Variants in LCMT1 observed in about 807,000 individuals in gnomAD.
LCMT1 encodes the protein leucine carboxyl methyltransferase 1, also known as [Phosphatase 2A protein]-leucine-carboxy methyltransferase 1.
A neutral mutation model predicts 47.7 loss-of-function variants in LCMT1; 32 were observed. The observed-to-expected ratio is 0.67, with a 90% CI of 0.51 to 0.90. LCMT1 has a LOEUF of 0.90. Among genes scored for constraint, LCMT1 ranks in the 40% least tolerant of loss-of-function variants. The pLI is 0.00. For synonymous variants in LCMT1, 152 were observed against 149.7 expected (o/e 1.02, Z -0.11); for missense variants, 375 against 415.2 (o/e 0.90, Z 0.84).
At chr16:25,167,884 CTGAG>C (rs1454074043) in intron 7 of LCMT1, among the ~76,000 whole-genome samples, 1 of 152,020 alleles carries the variant, frequency 6.6e-6, no homozygotes, top group Non-Finnish European at 1.5e-5. Context: ...CCTCAGCCTC[CTGAG>C]TAACTGGGAT....
chr16:25,160,542 C>CCT (rs1191185999), intron 5 of LCMT1, among the ~76,000 whole-genome samples: 1 of 152,116 alleles, frequency 6.6e-6, no homozygotes, highest in African/African-American at 2.4e-5. Context: ...ATAGGCTTAC[C>CCT]CTCTGATCTC....
chr16:25,169,976 T>C (rs1200430673), intron 8 of LCMT1, among the ~76,000 whole-genome samples: 1 of 152,116 alleles, frequency 6.6e-6, no homozygotes, highest in Non-Finnish European at 1.5e-5. Context: ...TCCCAGCACT[T>C]TGGGATGCTG....
At chr16:25,112,050 G>T (rs969898110) in intron 1 of LCMT1, 54 bp downstream of exon 1, 1 of 1,201,618 alleles carries the variant, frequency 8.3e-7, no homozygotes, top group Non-Finnish European at 1.2e-6. Flanking sequence ...GGCCTAGGTG[G>T]GAGGTGGGCC....
At chr16:25,134,118 C>T (rs1281602632) in intron 3 of LCMT1, among the ~76,000 whole-genome samples, 3 of 151,268 alleles carry the variant, frequency 2.0e-5, no homozygotes, top group Non-Finnish European at 2.9e-5. Context: ...CTGTCAGGTC[C>T]GTCATGTGAC....
rs144164462 is a variant in LCMT1, at chr16:25,163,197, G to A, written c.570-1401G>A. ...ACTTTTAAAAGAATCGGTTGGGCAC[G>A]GTGGCTCACGCCTGTAATCCCAGCA... On this transcript the variant is annotated intron_variant, in intron 6 of 10. Transcript: ENST00000399069. 1.0e-3 allele frequency among the ~76,000 whole-genome samples: 154 copies of A among 152,280 alleles called. 1 individual carries two copies. The East Asian group carries it at 0.023, about 23-fold the overall frequency.
intron 5 of LCMT1, 99 bp from the exon 6 acceptor site, chr16:25,161,003 A>G (rs1331160200): frequency 2.9e-6 from 2 of 701,002 alleles, no homozygotes; most frequent in African/African-American, 3.6e-5. Context: ...TTTTTTAACA[A>G]TGATGCATGT....
At position 25,128,532 on chromosome 16, in the gene LCMT1, G is replaced by A. The variant is rs1375462864; in HGVS notation, c.171G>A (p.Leu57=). The A allele has an allele frequency of 1.2e-6, 2 of 1,608,898 alleles. No individual in the cohort carries two copies. The highest frequency in any genetic ancestry group is 4.5e-5 in the East Asian group (2 of 44,800). The change falls in exon 2 of 11, where the codon CTG becomes CTA. Residue 57 remains leucine, a synonymous_variant. Transcript: ENST00000399069. ...HDPYIQHFVR[L]SKERKAPEIN... ...CTTACATACAGCACTTTGTGAGACTGTCTAAAGAGAGGAAAGCCCCTGAAA... is the reference window on the plus strand; with the variant it reads ...CTTACATACAGCACTTTGTGAGACTATCTAAAGAGAGGAAAGCCCCTGAAA...
At chr16:25,158,869 C>G (rs1303814728) in intron 5 of LCMT1, 1 of 152,218 alleles carries the variant, frequency 6.6e-6, no homozygotes, top group Non-Finnish European at 1.5e-5. Context: ...TTCTATCATT[C>G]AAAGGGATCT....
intron 4 of LCMT1, chr16:25,141,160 C>T (rs1386005910): frequency 6.6e-6 from 1 of 152,116 alleles, no homozygotes; most frequent in East Asian, 1.9e-4. Context: ...ACCTGAAAGA[C>T]ACAAACTTTA....
At chr16:25,119,633 A>G (rs979391536) in intron 1 of LCMT1, among the ~76,000 whole-genome samples, 9 of 152,098 alleles carry the variant, frequency 5.9e-5, no homozygotes, top group Non-Finnish European at 1.0e-4. Flanking sequence ...GCTGCATGGA[A>G]AAATGTTCTC....
intron 5 of LCMT1, among the ~76,000 whole-genome samples, chr16:25,158,380 C>T (rs551524140): frequency 6.6e-6 from 1 of 152,374 alleles, no homozygotes; most frequent in African/African-American, 2.4e-5. Context: ...AGCAATTCGC[C>T]TGTCTTGGCC....
intron 1 of LCMT1, among the ~76,000 whole-genome samples, chr16:25,113,368 C>T (rs1959689553): frequency 6.6e-6 from 1 of 152,186 alleles, no homozygotes; most frequent in South Asian, 2.1e-4. Flanking sequence ...AGCATGGATT[C>T]TGGAGCTAGA....
At chr16:25,132,218 G>A (rs866892133) in intron 2 of LCMT1, 184 bp from the exon 3 acceptor site, 5 of 603,918 alleles carry the variant, frequency 8.3e-6, no homozygotes, top group African/African-American at 5.5e-5. Context: ...TGGTTCAGAT[G>A]CCTTTAACCA....
At chr16:25,152,226 G>A (rs1961103407) in intron 5 of LCMT1, among the ~76,000 whole-genome samples, 2 of 152,164 alleles carry the variant, frequency 1.3e-5, no homozygotes, top group South Asian at 4.1e-4. Flanking sequence ...CAGGCAGTTG[G>A]GTTGGATGAC....
Position 25,170,729 on chromosome 16 carries a change from T to A in LCMT1, c.808T>A (p.Ser270Thr). The A allele has an allele frequency of 6.2e-7, 1 of 1,613,314 alleles. No individual in the cohort carries two copies. The highest frequency in any genetic ancestry group is 1.3e-5 in the African/African-American group (1 of 74,986). The change falls in exon 9 of 11, where the codon TCG becomes ACG. Residue 270 changes from serine (S) to threonine (T), a missense_variant. Physicochemically the swap from Ser to Thr is moderately conservative, Grantham distance 58. Coordinates refer to ENST00000399069, the MANE Select transcript of LCMT1 (RefSeq NM_016309.3). ...SLESQKERLL[S>T]NGWETASAVD... Reference sequence around the variant, plus strand: ...CACATTTTAGAAAGAACGGCTCCTGTCGAATGGGTGGGAAACAGCATCGGC... The same window carrying A: ...CACATTTTAGAAAGAACGGCTCCTGACGAATGGGTGGGAAACAGCATCGGC...
chr16:25,138,575 T>C (rs1475220197), intron 3 of LCMT1, among the ~76,000 whole-genome samples: 1 of 152,136 alleles, frequency 6.6e-6, no homozygotes, highest in African/African-American at 2.4e-5. Flanking sequence ...TTTGTTTGAC[T>C]GCAGGCCACA....
At chr16:25,174,676 A>G (rs77459506) in intron 9 of LCMT1, 11,382 of 222,042 alleles carry the variant, frequency 0.051, 367 homozygotes, top group East Asian at 0.14. Context: ...CTCTTTATAT[A>G]ATAAGGAACT....
intron 10 of LCMT1, among the ~76,000 whole-genome samples, chr16:25,176,296 A>G (rs963496149): frequency 1.4e-4 from 22 of 152,258 alleles, no homozygotes; most frequent in African/African-American, 4.6e-4. Flanking sequence ...TCCGGCCTTC[A>G]GTGGAATAGC....
At chr16:25,128,652 T>C in intron 2 of LCMT1, 86 bp downstream of exon 2, 1 of 1,010,876 alleles carries the variant, frequency 9.9e-7, no homozygotes. Context: ...CGTGGTGTGC[T>C]CCCTTTCCAG....
Sources: gnomAD v4.1 joint callset for allele counts (sites outside exome capture counted in the v4.1 genomes callset) on GRCh38, gnomAD v4.1.1 for gene constraint, MANE v1.5 for transcripts, NCBI Gene and HGNC (gene_info 2026-07-23, HGNC 2026-07-21) for gene names.